The following GABRB1 variants were observed in gnomAD, a reference collection of about 807,000 sequenced individuals.
The protein encoded by GABRB1 is gamma-aminobutyric acid receptor subunit beta-1.
Under a neutral mutation model 51.6 loss-of-function variants are expected in GABRB1, and 17 were observed. The observed-to-expected ratio is 0.33, with a 90% CI of 0.23 to 0.49. The LOEUF (loss-of-function observed/expected upper bound fraction) is 0.49. GABRB1 is among the 20% of genes least tolerant of loss of function. The probability of loss-of-function intolerance (pLI) is 0.99; values close to 1 mark genes in which losing one functional copy is unlikely to be tolerated. For missense variants in GABRB1, 410 were observed against 600.6 expected (o/e 0.68, Z 3.32); for synonymous variants, 247 against 218.9 (o/e 1.13, Z -1.14).
At chr4:47,081,136 G>A (rs944009078) in intron 3 of GABRB1, among the ~76,000 whole-genome samples, 2 of 152,098 alleles carry the variant, frequency 1.3e-5, no homozygotes, top group African/African-American at 4.8e-5. Flanking sequence ...ACATAACGAA[G>A]CCTTTGATAA....
chr4:47,320,253 T>C (rs1725029667), intron 5 of GABRB1, 44 bp downstream of exon 5: 1 of 1,229,634 alleles, frequency 8.1e-7, no homozygotes, highest in African/African-American at 1.5e-5. Context: ...GATTCTTCCT[T>C]GACCCAGTTG....
chr4:47,265,130 A>G (rs998012828), intron 4 of GABRB1, among the ~76,000 whole-genome samples: 1 of 152,074 alleles, frequency 6.6e-6, no homozygotes, highest in African/African-American at 2.4e-5. Context: ...TGAGTAACCA[A>G]TATCTATTAT....
At chr4:47,160,948 A>G (rs1039307742) in intron 3 of GABRB1, among the ~76,000 whole-genome samples, 20 of 151,644 alleles carry the variant, frequency 1.3e-4, no homozygotes, top group African/African-American at 4.6e-4. Context: ...CACCACACCA[A>G]ACTAACTTTA....
At chr4:47,159,193 G>A (rs112776748) in intron 3 of GABRB1, among the ~76,000 whole-genome samples, 36 of 152,052 alleles carry the variant, frequency 2.4e-4, no homozygotes, top group African/African-American at 7.5e-4. Context: ...TGAAAGATAG[G>A]ATTCTTTAAG....
chr4:47,371,399 C>G (rs184528462), intron 5 of GABRB1, among the ~76,000 whole-genome samples: 1 of 152,262 alleles, frequency 6.6e-6, no homozygotes, highest in Admixed American at 6.5e-5. Context: ...AATCAACATA[C>G]ACGTGCATGT....
At chr4:47,069,268 A>G (rs1173512393) in intron 3 of GABRB1, among the ~76,000 whole-genome samples, 8 of 152,194 alleles carry the variant, frequency 5.3e-5, no homozygotes, top group Non-Finnish European at 1.5e-5. Flanking sequence ...AACTGATTAT[A>G]TATTTTGAAA....
chr4:47,279,925 GT>G (rs577361243), intron 4 of GABRB1, among the ~76,000 whole-genome samples: 11 of 145,614 alleles, frequency 7.6e-5, no homozygotes, highest in South Asian at 2.2e-4. Flanking sequence ...TTGGGTCTTG[GT>G]TTTTTTTTTA....
chr4:47,411,669 CT>C (rs1560374911), intron 8 of GABRB1, among the ~76,000 whole-genome samples: 1 of 152,138 alleles, frequency 6.6e-6, no homozygotes, highest in Non-Finnish European at 1.5e-5. Context: ...ACTTTCCTGA[CT>C]TTGATATTAT....
intron 3 of GABRB1, among the ~76,000 whole-genome samples, chr4:47,124,119 TG>T (rs1212710995): frequency 8.0e-5 from 12 of 149,548 alleles, no homozygotes; most frequent in Non-Finnish European, 1.2e-4. Flanking sequence ...TTAAACCAAT[TG>T]TTAGAGGAGC....
chr4:47,026,709 T>A (rs1028159408), upstream of GABRB1, among the ~76,000 whole-genome samples: 2 of 152,002 alleles, frequency 1.3e-5, no homozygotes, highest in African/African-American at 4.8e-5. Context: ...AAATACAAAT[T>A]CTTTACGTAA....
At chr4:47,252,297 G>T (rs984879409) in intron 4 of GABRB1, among the ~76,000 whole-genome samples, 3 of 151,936 alleles carry the variant, frequency 2.0e-5, no homozygotes, top group Admixed American at 1.3e-4. Flanking sequence ...TTTCTCCAGT[G>T]GGGGGTGTTT....
At position 47,426,019 on chromosome 4, in the gene GABRB1, G is replaced by C. The variant is rs776456940; in HGVS notation, c.*1G>C. ...CTATTGGCTTTACTATGTACACTGA[G>C]GTCTGTTCTAATGGTTCCATTTAGA... On this transcript the variant is annotated 3_prime_UTR_variant, in exon 9 of 9. Transcript: ENST00000295454. 1 of 1,573,602 alleles carries C rather than the reference G, an allele frequency of 6.4e-7. No homozygotes were observed. Among genetic ancestry groups the C allele is most frequent in the Admixed American group, 1.8e-5 (1 of 56,868 alleles).
At chr4:47,010,287 T>C (rs1183768138) in intron 1 of GABRB1, among the ~76,000 whole-genome samples, 4 of 152,212 alleles carry the variant, frequency 2.6e-5, no homozygotes, top group Non-Finnish European at 5.9e-5. Context: ...TATAATAAAA[T>C]ATAGCCAGTA....
chr4:47,381,586 G>A (rs1405416004), intron 5 of GABRB1, among the ~76,000 whole-genome samples: 3 of 152,188 alleles, frequency 2.0e-5, no homozygotes, highest in East Asian at 3.9e-4. Flanking sequence ...CTCCCAAACA[G>A]TGGAATGAAC....
At chr4:47,325,434 CAAA>C (rs5858063) in intron 5 of GABRB1, among the ~76,000 whole-genome samples, 1 of 142,070 alleles carries the variant, frequency 7.0e-6, no homozygotes. Context: ...GACTCCATCT[CAAA>C]AAAAAAAAAA....
At chr4:47,365,633 C>G (rs114753482) in intron 5 of GABRB1, among the ~76,000 whole-genome samples, 27 of 152,016 alleles carry the variant, frequency 1.8e-4, no homozygotes, top group East Asian at 5.8e-4. Context: ...TTGTTTACTC[C>G]GTGTCTTCTG....
Position 47,302,063 on chromosome 4 carries a change from C to T in GABRB1, c.462-18064C>T, listed in dbSNP as rs962191956. The stretch of plus-strand genomic sequence containing the variant: ...AAGAAATGTAGAGTGTTTATAAATT[C>T]GGATATGTACTTTGCCACAGATCAA... On this transcript the variant is annotated intron_variant, in intron 4 of 8. Coordinates refer to ENST00000295454, the MANE Select transcript of GABRB1 (RefSeq NM_000812.4). Among the ~76,000 whole-genome samples the T allele has an allele frequency of 4.6e-5, 7 of 152,140 alleles. 1 individual carries two copies. In the South Asian group the frequency reaches 8.3e-4, roughly 18 times the overall value.
chr4:47,133,483 G>A (rs546920443), intron 3 of GABRB1, among the ~76,000 whole-genome samples: 85 of 152,254 alleles, frequency 5.6e-4, no homozygotes, highest in African/African-American at 2.0e-3. Flanking sequence ...TCCCCTATGT[G>A]TGCAAAGTTC....
chr4:47,271,776 T>C (rs1034679250), intron 4 of GABRB1, among the ~76,000 whole-genome samples: 13 of 152,134 alleles, frequency 8.5e-5, no homozygotes, highest in South Asian at 2.1e-4. Flanking sequence ...AAGGAACATA[T>C]AGAGAAATTA....
Sources: allele counts gnomAD v4.1 joint callset (sites outside exome capture counted in the v4.1 genomes callset), GRCh38; gene constraint gnomAD v4.1.1; transcripts MANE v1.5; gene names NCBI Gene and HGNC (gene_info 2026-07-23, HGNC 2026-07-21).